The following CHCHD6 variants were observed in gnomAD, a reference collection of about 807,000 sequenced individuals.
The protein encoded by CHCHD6 is MICOS complex subunit MIC25.
A neutral mutation model predicts 32.3 loss-of-function variants in CHCHD6; 28 were observed. That is an observed-to-expected ratio of 0.87 (90% CI 0.64 to 1.19). The LOEUF (loss-of-function observed/expected upper bound fraction) is 1.19. CHCHD6 is among the 50% of genes most tolerant of loss of function. The probability of loss-of-function intolerance (pLI) is 0.00; values close to 1 mark genes in which losing one functional copy is unlikely to be tolerated. For missense variants in CHCHD6, 333 were observed against 307.0 expected (o/e 1.08, Z -0.63); for synonymous variants, 122 against 117.5 (o/e 1.04, Z -0.25).
rs2107647049 is a variant in CHCHD6 at position 126,704,467 on chromosome 3, A to G, written c.87+68A>G. 8 of 999,474 alleles carry G rather than the reference A, an allele frequency of 8.0e-6. No homozygotes were observed. The South Asian group carries it at 1.7e-4, about 22-fold the overall frequency. The allele number at this position is 999,474 out of a possible 1,614,324, so 61.9% of individuals were successfully genotyped here. A position where few individuals can be genotyped will look rare whatever the true frequency, so the allele number is the denominator to read the frequency against. On this transcript the variant is annotated intron_variant, in intron 1 of 7. Transcript: ENST00000290913. ...GGCGCGGGGGGGAGGTGCGGGGCGG[A>G]GCGCAGGGCCGGGGCTCTTTCCACG...
At chr3:126,842,511 T>G (rs564258727) in intron 4 of CHCHD6, among the ~76,000 whole-genome samples, 6 of 152,346 alleles carry the variant, frequency 3.9e-5, no homozygotes, top group Admixed American at 3.9e-4. Context: ...GTTGCTGACC[T>G]GGGAGTCAGG....
At chr3:126,872,760 AAC>A (rs930645937) in intron 5 of CHCHD6, among the ~76,000 whole-genome samples, 1 of 152,156 alleles carries the variant, frequency 6.6e-6, no homozygotes, top group African/African-American at 2.4e-5. Context: ...TATCTTTTAG[AAC>A]CAAGGGGCAA....
At position 126,789,097 on chromosome 3, in the gene CHCHD6, A is replaced by T. The variant is rs186242478; in HGVS notation, c.411+55875A>T. Among the ~76,000 whole-genome samples, 378 of 152,282 alleles carry T rather than the reference A, an allele frequency of 2.5e-3. 6 individuals carry two copies. The highest frequency in any genetic ancestry group is 9.8e-4 in the Non-Finnish European group (67 of 68,030). ...GTTATGTATCCATTAATCATTCAGG[A>T]GCAGGTTGTTCAGTTTCCATATAGT... On this transcript the variant is annotated intron_variant, in intron 4 of 7. Transcript: ENST00000290913.
chr3:126,880,171 G>A (rs1055351658), intron 5 of CHCHD6, among the ~76,000 whole-genome samples: 5 of 152,122 alleles, frequency 3.3e-5, no homozygotes, highest in South Asian at 4.1e-4. Flanking sequence ...AGTGTGGGCC[G>A]GCTGACAGTG....
At chr3:126,738,027 CAA>C (rs1440368802) in intron 4 of CHCHD6, among the ~76,000 whole-genome samples, 3 of 152,288 alleles carry the variant, frequency 2.0e-5, no homozygotes, top group Middle Eastern at 3.4e-3. Context: ...GATTTGGTAA[CAA>C]GAGTGCTTCC....
chr3:126,769,238 A>G lies in CHCHD6; in HGVS notation c.411+36016A>G, dbSNP rs527889338. On this transcript the variant is annotated intron_variant, in intron 4 of 7. Coordinates refer to ENST00000290913, the MANE Select transcript of CHCHD6 (RefSeq NM_032343.3). The stretch of plus-strand genomic sequence containing the variant: ...TAGGGGTTCAGTATCACTCTTCTGC[A>G]TATAGCTAGCCAGTTATCACAGCAC... Among the ~76,000 whole-genome samples the G allele has an allele frequency of 1.7e-4, 26 of 152,326 alleles. No individual in the cohort carries two copies. The South Asian group carries it at 4.8e-3, about 28-fold the overall frequency.
At chr3:126,933,915 A>T (rs2078440464) in intron 6 of CHCHD6, among the ~76,000 whole-genome samples, 3 of 152,182 alleles carry the variant, frequency 2.0e-5, no homozygotes, top group Admixed American at 2.0e-4. Flanking sequence ...TTCTCCACAC[A>T]TACTGTCTCT....
At chr3:126,868,199 C>A (rs1308916318) in intron 5 of CHCHD6, among the ~76,000 whole-genome samples, 2 of 152,216 alleles carry the variant, frequency 1.3e-5, no homozygotes, top group Non-Finnish European at 2.9e-5. Context: ...AGGTCCTGGT[C>A]AACACCTGAC....
intron 4 of CHCHD6, among the ~76,000 whole-genome samples, chr3:126,752,853 A>G (rs192499714): frequency 6.6e-6 from 1 of 152,308 alleles, no homozygotes; most frequent in East Asian, 1.9e-4. Context: ...AGTTGGGATT[A>G]GATGAGGAAG....
intron 1 of CHCHD6, among the ~76,000 whole-genome samples, chr3:126,705,336 A>G (rs1934432694): frequency 6.6e-6 from 1 of 152,166 alleles, no homozygotes; most frequent in Non-Finnish European, 1.5e-5. Context: ...TTCCTGTCTG[A>G]TTGAAGACTG....
intron 4 of CHCHD6, among the ~76,000 whole-genome samples, chr3:126,756,238 G>C (rs1318042415): frequency 6.6e-6 from 1 of 152,230 alleles, no homozygotes; most frequent in African/African-American, 2.4e-5. Flanking sequence ...AGAGGAAATA[G>C]AGATGGCAGA....
rs1055309969 is a variant in CHCHD6 at position 126,788,264 on chromosome 3, A to G, written c.411+55042A>G. ...GAGGATTTTCGCATTGATGTTCTTC[A>G]GGGATATTGGTCTAAAATTCTCTTT... On this transcript the variant is annotated intron_variant, in intron 4 of 7. Coordinates refer to ENST00000290913, the MANE Select transcript of CHCHD6 (RefSeq NM_032343.3). Among the ~76,000 whole-genome samples the G allele has an allele frequency of 2.0e-4, 31 of 152,174 alleles. 1 individual carries two copies. Among genetic ancestry groups the G allele is most frequent in the African/African-American group, 6.8e-4 (28 of 41,446 alleles).
At chr3:126,835,146 A>G (rs913372238) in intron 4 of CHCHD6, among the ~76,000 whole-genome samples, 2 of 152,036 alleles carry the variant, frequency 1.3e-5, no homozygotes, top group Non-Finnish European at 2.9e-5. Context: ...GGCCCCTGAG[A>G]GCTTAACTGA....
At chr3:126,845,728 G>A (rs988392732) in intron 4 of CHCHD6, among the ~76,000 whole-genome samples, 1 of 152,006 alleles carries the variant, frequency 6.6e-6, no homozygotes, top group African/African-American at 2.4e-5. Flanking sequence ...CGTCCAATAT[G>A]CTAATAAACC....
intron 5 of CHCHD6, among the ~76,000 whole-genome samples, chr3:126,867,806 C>T (rs976861887): frequency 6.6e-6 from 1 of 152,224 alleles, no homozygotes; most frequent in African/African-American, 2.4e-5. Flanking sequence ...TCTGTCCTCC[C>T]TCCATGATGG....
chr3:126,808,631 T>A (rs756627650), intron 4 of CHCHD6, among the ~76,000 whole-genome samples: 4 of 152,198 alleles, frequency 2.6e-5, no homozygotes, highest in Non-Finnish European at 5.9e-5. Flanking sequence ...ACCATGTCAA[T>A]GTAGTCTTTT....
intron 4 of CHCHD6, among the ~76,000 whole-genome samples, chr3:126,850,400 T>C (rs562989788): frequency 4.6e-4 from 70 of 152,342 alleles, no homozygotes; most frequent in African/African-American, 1.6e-3. Context: ...GTGTGAACAG[T>C]CTCTAGCCTA....
chr3:126,823,948 G>A (rs973105152), intron 4 of CHCHD6, among the ~76,000 whole-genome samples: 5 of 152,084 alleles, frequency 3.3e-5, no homozygotes, highest in African/African-American at 1.2e-4. Context: ...GGTGGCACGT[G>A]CCTATAGTCC....
At chr3:126,862,259 C>T (rs1941935944) in intron 5 of CHCHD6, among the ~76,000 whole-genome samples, 1 of 130,066 alleles carries the variant, frequency 7.7e-6, no homozygotes, top group Non-Finnish European at 1.7e-5. Context: ...TCCTCCTCCT[C>T]CATCACCTCC....
Sources: gnomAD v4.1 joint callset for allele counts (sites outside exome capture counted in the v4.1 genomes callset) on GRCh38, gnomAD v4.1.1 for gene constraint, MANE v1.5 for transcripts, NCBI Gene and HGNC (gene_info 2026-07-23, HGNC 2026-07-21) for gene names.